PYGB: variants seen among roughly 807,000 people sequenced by gnomAD.
PYGB encodes the protein glycogen phosphorylase B.
A neutral mutation model predicts 94.3 loss-of-function variants in PYGB; 82 were observed. That is an observed-to-expected ratio of 0.87 (90% CI 0.73 to 1.04). The LOEUF (loss-of-function observed/expected upper bound fraction) is 1.04. Ranked by LOEUF, PYGB falls within the 50% of genes least tolerant of loss-of-function variation. PYGB has a pLI of 0.00. For synonymous variants in PYGB, 488 were observed against 479.1 expected, an observed-to-expected ratio of 1.02 and a Z score of -0.24; for missense variants, 1,132 against 1,158.2, an observed-to-expected ratio of 0.98 and a Z score of 0.33.
intron 9 of PYGB, 47 bp from the exon 10 acceptor site, chr20:25,280,219 C>G: frequency 6.3e-7 from 1 of 1,598,288 alleles, no homozygotes; most frequent in Non-Finnish European, 8.6e-7. Flanking sequence ...GGCCAGAGAG[C>G]TGCTTGTTTC....
intron 1 of PYGB, among the ~76,000 whole-genome samples, chr20:25,252,091 C>T (rs755834318): frequency 6.6e-6 from 1 of 152,232 alleles, no homozygotes; most frequent in Non-Finnish European, 1.5e-5. Flanking sequence ...TGAAGTTGAG[C>T]TTGCATCTCC....
chr20:25,288,331 C>G (rs2088436099), intron 14 of PYGB, 94 bp from the exon 15 acceptor site: 1 of 1,391,856 alleles, frequency 7.2e-7, no homozygotes, highest in Non-Finnish European at 1.0e-6. Context: ...CGTGCCTGTC[C>G]TGCCTCAGGG....
chr20:25,281,122 G>T lies in PYGB; in HGVS notation c.1403+10G>T. On this transcript the variant is annotated intron_variant, in intron 11 of 19. Coordinates refer to ENST00000216962, the MANE Select transcript of PYGB (RefSeq NM_002862.4). ...TCGTGAAACAGTCGGTGTGAGTGGG[G>T]CGCTTGCCCGAGCGGGGCCAGCTCT... 6.2e-7 allele frequency: 1 copy of T among 1,613,902 alleles called. No homozygotes were observed. Among genetic ancestry groups the T allele is most frequent in the Non-Finnish European group, 8.5e-7 (1 of 1,179,830 alleles).
chr20:25,271,160 C>T (rs6050509), intron 3 of PYGB, among the ~76,000 whole-genome samples: 10,009 of 152,022 alleles, frequency 0.066, 1,015 homozygotes, highest in African/African-American at 0.22. Flanking sequence ...TTCTTCATCC[C>T]CCCCCATCCT....
At chr20:25,257,144 C>T (rs79729146) in intron 1 of PYGB, among the ~76,000 whole-genome samples, 2 of 152,342 alleles carry the variant, frequency 1.3e-5, no homozygotes, top group East Asian at 1.9e-4. Flanking sequence ...ATGGTTTTCA[C>T]TCTGAACCAT....
chr20:25,265,945 A>G (rs930093866), intron 2 of PYGB, among the ~76,000 whole-genome samples: 1 of 151,944 alleles, frequency 6.6e-6, no homozygotes, highest in Non-Finnish European at 1.5e-5. Flanking sequence ...AGATATTAAT[A>G]GCGTATCAGA....
intron 16 of PYGB, among the ~76,000 whole-genome samples, chr20:25,292,100 G>A (rs1302160830): frequency 1.3e-5 from 2 of 152,204 alleles, no homozygotes; most frequent in Non-Finnish European, 2.9e-5. Context: ...TGGCTCCTTG[G>A]CTAGGCCTGG....
intron 2 of PYGB, among the ~76,000 whole-genome samples, chr20:25,263,178 A>G (rs187855286): frequency 6.6e-6 from 1 of 152,372 alleles, no homozygotes; most frequent in East Asian, 1.9e-4. Flanking sequence ...TCTCAGCACC[A>G]CATCGCACTT....
rs911364966 is a variant in PYGB at position 25,274,345 on chromosome 20, G to A, written c.529-247G>A. Among the ~76,000 whole-genome samples the A allele has an allele frequency of 7.2e-5, 11 of 152,312 alleles. No individual in the cohort carries two copies. The East Asian group carries it at 7.7e-4, about 11-fold the overall frequency. ...AGATCGGAGCATGTGTCAGTCAGTG[G>A]TTCTTAGTGTCTTTCTTTTTGGGCA... On this transcript the variant is annotated intron_variant, in intron 4 of 19. Transcript: ENST00000216962.
chr20:25,282,201 G>A, intron 12 of PYGB, 54 bp downstream of exon 12: 3 of 1,436,848 alleles, frequency 2.1e-6, no homozygotes, highest in Non-Finnish European at 1.9e-6. Flanking sequence ...GAGAACCGCG[G>A]GCCATGTCAT....
At chr20:25,248,527 C>T (rs1054737538) in intron 1 of PYGB, 106 bp downstream of exon 1, 101 of 1,219,152 alleles carry the variant, frequency 8.3e-5, no homozygotes, top group Non-Finnish European at 9.9e-5. Context: ...GCGTTACCTG[C>T]GCCCCTAGCC....
At position 25,279,919 on chromosome 20, in the gene PYGB, T is replaced by C. The variant is rs114779163; in HGVS notation, c.1093-347T>C. Among the ~76,000 whole-genome samples the C allele has an allele frequency of 4.9e-3, 739 of 152,268 alleles. 10 individuals are homozygous for C. The highest frequency in any genetic ancestry group is 0.017 in the African/African-American group (702 of 41,540). On this transcript the variant is annotated intron_variant, in intron 9 of 19. Coordinates refer to ENST00000216962, the MANE Select transcript of PYGB (RefSeq NM_002862.4). ...TCCTCCCCACCATGTCTGGCCACTT[T>C]AGTGGAAATAAATAGAAAACTGCTC...
In PYGB at chr20:25,282,097, C is replaced by G; in HGVS notation, c.1468C>G (p.Arg490Gly). The G allele has an allele frequency of 6.2e-7, 1 of 1,613,776 alleles. No homozygotes were observed. The highest frequency in any genetic ancestry group is 8.5e-7 in the Non-Finnish European group (1 of 1,179,894). The change falls in exon 12 of 20, where the codon CGC becomes GGC. Residue 490 changes from arginine to glycine, a missense_variant. Physicochemically the swap from Arg to Gly is moderately radical, Grantham distance 125. Coordinates refer to ENST00000216962, the MANE Select transcript of PYGB (RefSeq NM_002862.4). ...GAATAAGACCAATGGCATCACCCCC[C>G]GCCGGTGGCTGCTGCTGTGCAACCC... The part of the protein sequence containing the change: ...FQNKTNGITP[R>G]RWLLLCNPGL...
At chr20:25,269,022 G>A in intron 2 of PYGB, 107 bp from the exon 3 acceptor site, 4 of 953,234 alleles carry the variant, frequency 4.2e-6, no homozygotes, top group Non-Finnish European at 6.7e-6. Context: ...ACAGAACCCA[G>A]ACTCTAACTT....
At chr20:25,271,073 A>G (rs987730457) in intron 3 of PYGB, among the ~76,000 whole-genome samples, 13 of 151,916 alleles carry the variant, frequency 8.6e-5, no homozygotes, top group African/African-American at 3.2e-4. Context: ...CCTCAGCCTC[A>G]ACTGGGATGT....
chr20:25,251,763 G>A (rs1364396246), intron 1 of PYGB, among the ~76,000 whole-genome samples: 1 of 152,230 alleles, frequency 6.6e-6, no homozygotes, highest in Non-Finnish European at 1.5e-5. Flanking sequence ...CCCCTGCAGT[G>A]GATGTAACAA....
Position 25,292,470 on chromosome 20 carries a change from C to T in PYGB, c.2034C>T (p.Gly678=). ...STAGTEASGT[G]NMKFMLNGAL... is the part of the protein sequence containing the mutation. The stretch of plus-strand genomic sequence containing the variant: ...CAGGCACCGAGGCCTCAGGCACAGG[C>T]AACATGAAGTTCATGCTCAACGGGG... The change falls in exon 17 of 20, where the codon GGC becomes GGT. Residue 678 remains glycine (G), a synonymous_variant. Coordinates refer to ENST00000216962, the MANE Select transcript of PYGB (RefSeq NM_002862.4). 1 of 1,613,648 alleles carries T rather than the reference C, an allele frequency of 6.2e-7. No homozygotes were observed. The highest frequency in any genetic ancestry group is 8.5e-7 in the Non-Finnish European group (1 of 1,180,028).
intron 17 of PYGB, 62 bp from the exon 18 acceptor site, chr20:25,294,096 T>G: frequency 6.3e-7 from 1 of 1,588,592 alleles, no homozygotes; most frequent in Non-Finnish European, 8.5e-7. Context: ...CCAACATGGC[T>G]TGTTCTCCAA....
chr20:25,286,193 G>A (rs977756694), intron 14 of PYGB, among the ~76,000 whole-genome samples: 5 of 152,194 alleles, frequency 3.3e-5, no homozygotes, highest in African/African-American at 1.2e-4. Flanking sequence ...TGGACTTCAG[G>A]GAAGTTGTCT....
Sources: gnomAD v4.1 joint callset for allele counts (sites outside exome capture counted in the v4.1 genomes callset) on GRCh38, gnomAD v4.1.1 for gene constraint, MANE v1.5 for transcripts, NCBI Gene and HGNC (gene_info 2026-07-23, HGNC 2026-07-21) for gene names.